ZNF827: variants seen among roughly 807,000 people sequenced by gnomAD.
ZNF827 encodes zinc finger protein 827.
ZNF827 carries 13 observed loss-of-function variants against 102.4 expected under a neutral mutation model. The ratio of observed to expected loss-of-function variants is 0.13; its 90% confidence interval spans 0.08 to 0.20. ZNF827 has a LOEUF of 0.20. Ranked by LOEUF, ZNF827 falls within the 10% of genes least tolerant of loss-of-function variation. The pLI, the probability that ZNF827 is intolerant of heterozygous loss-of-function variation, is 1.00. For missense variants in ZNF827, 1,103 were observed against 1,344.4 expected (o/e 0.82, Z 2.81); for synonymous variants, 523 against 536.2 (o/e 0.98, Z 0.34).
chr4:145,824,105 C>CA (rs955823579), intron 7 of ZNF827, among the ~76,000 whole-genome samples: 59 of 152,250 alleles, frequency 3.9e-4, no homozygotes, highest in African/African-American at 1.2e-3. Flanking sequence ...GAAGGGACCC[C>CA]AGGGAGCTCC....
At chr4:145,868,882 G>C (rs2126749591) in intron 5 of ZNF827, among the ~76,000 whole-genome samples, 1 of 152,312 alleles carries the variant, frequency 6.6e-6, no homozygotes. Context: ...GGAAGAATCA[G>C]AGCTATGTGA....
At chr4:145,805,125 T>TGTG (rs1741282011) in intron 8 of ZNF827, among the ~76,000 whole-genome samples, 2 of 148,270 alleles carry the variant, frequency 1.3e-5, no homozygotes, top group Non-Finnish European at 3.0e-5. Flanking sequence ...GCAATTCCTT[T>TGTG]TGTGTGTGTG....
chr4:145,764,157 A>G (rs1734932031), intron 13 of ZNF827, among the ~76,000 whole-genome samples: 1 of 152,224 alleles, frequency 6.6e-6, no homozygotes, highest in South Asian at 2.1e-4. Flanking sequence ...CGTTTAGCTG[A>G]GAATTAGTAA....
At chr4:145,798,900 A>T (rs1348182025) in intron 8 of ZNF827, among the ~76,000 whole-genome samples, 7 of 152,220 alleles carry the variant, frequency 4.6e-5, no homozygotes, top group Non-Finnish European at 1.0e-4. Context: ...TAAAGAAAGA[A>T]TGTTCACAAA....
At chr4:145,891,127 A>G (rs957754940) in intron 3 of ZNF827, among the ~76,000 whole-genome samples, 1 of 152,248 alleles carries the variant, frequency 6.6e-6, no homozygotes, top group Non-Finnish European at 1.5e-5. Flanking sequence ...GCCAAATCAT[A>G]TCGAAAATAT....
intron 7 of ZNF827, chr4:145,832,030 A>C (rs1389955125): frequency 1.3e-5 from 2 of 152,286 alleles, no homozygotes; most frequent in Non-Finnish European, 2.9e-5. Context: ...TGGGAGACCA[A>C]GGCAGGAGGA....
intron 5 of ZNF827, among the ~76,000 whole-genome samples, chr4:145,857,359 C>T (rs1333533112): frequency 2.0e-5 from 3 of 152,182 alleles, no homozygotes; most frequent in African/African-American, 7.2e-5. Flanking sequence ...CTTGGAATTT[C>T]TTTCTGGGGT....
chr4:145,937,398 G>A (rs565759311), intron 1 of ZNF827, among the ~76,000 whole-genome samples: 1 of 151,760 alleles, frequency 6.6e-6, no homozygotes, highest in South Asian at 2.1e-4. Context: ...CGTCTGCTCC[G>A]ACTGACCCCG....
intron 1 of ZNF827, among the ~76,000 whole-genome samples, chr4:145,936,921 G>C (rs1212188665): frequency 3.9e-5 from 6 of 151,946 alleles, no homozygotes; most frequent in Admixed American, 6.5e-5. Flanking sequence ...AGTGTGGGGG[G>C]AGAGAAGAGA....
intron 2 of ZNF827, among the ~76,000 whole-genome samples, chr4:145,893,916 G>T (rs534925709): frequency 3.3e-5 from 5 of 151,672 alleles, no homozygotes; most frequent in Admixed American, 6.6e-5. Flanking sequence ...AAGGGGTTAT[G>T]GAAAAATAAA....
At chr4:145,768,035 CAT>C (rs1735580436) in intron 11 of ZNF827, among the ~76,000 whole-genome samples, 2 of 152,044 alleles carry the variant, frequency 1.3e-5, no homozygotes, top group Admixed American at 6.6e-5. Flanking sequence ...GTTTATAAAA[CAT>C]ATAAGTAAAC....
chr4:145,938,446 G>A lies in ZNF827; in HGVS notation c.-39C>T, dbSNP rs1299577945. On this transcript the variant is annotated 5_prime_UTR_variant, in exon 1 of 15. Coordinates refer to ENST00000508784, the MANE Select transcript of ZNF827 (RefSeq NM_001306215.2). The stretch of plus-strand genomic sequence containing the variant: ...TCACATTCTCCTCCTTGGTTAATGT[G>A]AGATCAAATAAACCCCCGTGGGGGC... The A allele has an allele frequency of 2.9e-6, 4 of 1,387,510 alleles. No individual in the cohort carries two copies. Among genetic ancestry groups the A allele is most frequent in the South Asian group, 1.1e-5 (1 of 87,742 alleles). 85.9% of individuals were successfully genotyped at this position (1,387,510 alleles called of 1,614,324 possible). A position where few individuals can be genotyped will look rare whatever the true frequency, so the allele number is the denominator to read the frequency against.
chr4:145,799,592 T>C (rs1484905566), intron 8 of ZNF827, among the ~76,000 whole-genome samples: 1 of 152,206 alleles, frequency 6.6e-6, no homozygotes, highest in African/African-American at 2.4e-5. Flanking sequence ...CAGAGACTGC[T>C]AGCTGCCCTC....
At chr4:145,783,246 T>A (rs1404121569) in intron 8 of ZNF827, among the ~76,000 whole-genome samples, 1 of 152,222 alleles carries the variant, frequency 6.6e-6, no homozygotes, top group East Asian at 1.9e-4. Flanking sequence ...AGTATATATT[T>A]GTTGAATAAA....
At chr4:145,897,323 G>A (rs188747260) in intron 2 of ZNF827, among the ~76,000 whole-genome samples, 29 of 152,246 alleles carry the variant, frequency 1.9e-4, no homozygotes, top group Admixed American at 3.9e-4. Context: ...TGTAGGCTTC[G>A]AAATCAAACT....
chr4:145,817,247 G>A lies in ZNF827; in HGVS notation c.2383+6175C>T, dbSNP rs527495731. On this transcript the variant is annotated intron_variant, in intron 8 of 14. Coordinates refer to ENST00000508784, the MANE Select transcript of ZNF827 (RefSeq NM_001306215.2). The stretch of plus-strand genomic sequence containing the variant: ...TTTCCCTTTCCCAACTTTCACTGTA[G>A]GTGGGAGAATTTTAGCAGTAAAGCC... 2.7e-4 allele frequency among the ~76,000 whole-genome samples: 41 copies of A among 152,284 alleles called. No individual in the cohort carries two copies. In the South Asian group the frequency reaches 8.1e-3, roughly 30 times the overall value.
intron 2 of ZNF827, among the ~76,000 whole-genome samples, chr4:145,901,298 T>G (rs1751392389): frequency 6.6e-6 from 1 of 152,134 alleles, no homozygotes; most frequent in African/African-American, 2.4e-5. Context: ...CCAACACGCA[T>G]CCCAGGAACG....
chr4:145,887,285 C>G (rs560528824), intron 3 of ZNF827, among the ~76,000 whole-genome samples: 2 of 151,870 alleles, frequency 1.3e-5, no homozygotes, highest in African/African-American at 2.4e-5. Flanking sequence ...TGCGTTAATC[C>G]GCTGCACCAC....
chr4:145,889,561 T>TG, intron 3 of ZNF827, among the ~76,000 whole-genome samples: 1 of 151,666 alleles, frequency 6.6e-6, no homozygotes, highest in East Asian at 2.0e-4. Context: ...CCACTTTTTT[T>TG]TTTTTTTTTT....
Sources: allele counts gnomAD v4.1 joint callset (sites outside exome capture counted in the v4.1 genomes callset), GRCh38; gene constraint gnomAD v4.1.1; transcripts MANE v1.5; gene names NCBI Gene and HGNC (gene_info 2026-07-23, HGNC 2026-07-21).